The following DAB1 variants were observed in gnomAD, a reference collection of about 807,000 sequenced individuals.
DAB1 encodes DAB adaptor protein 1.
A neutral mutation model predicts 64.6 loss-of-function variants in DAB1; 15 were observed. The observed-to-expected ratio is 0.23, with a 90% CI of 0.16 to 0.36. The LOEUF is 0.36. Among genes scored for constraint, DAB1 ranks in the 10% least tolerant of loss-of-function variants. DAB1 has a pLI of 1.00. For missense variants in DAB1, 596 were observed against 706.7 expected (o/e 0.84, Z 1.78); for synonymous variants, 235 against 251.9 (o/e 0.93, Z 0.64).
chr1:57,155,039 T>C (rs1039510335), intron 2 of DAB1, among the ~76,000 whole-genome samples: 25 of 152,252 alleles, frequency 1.6e-4, no homozygotes, highest in African/African-American at 6.0e-4. Context: ...TGATCCCATT[T>C]GTACATGGAA....
chr1:57,380,433 G>T (rs868535100), intron 1 of DAB1, among the ~76,000 whole-genome samples: 39 of 152,258 alleles, frequency 2.6e-4, no homozygotes, highest in African/African-American at 9.1e-4. Context: ...ATACTACTTT[G>T]TACTTTTTAC....
intron 4 of DAB1, among the ~76,000 whole-genome samples, chr1:58,313,947 A>G (rs1662491608): frequency 6.6e-6 from 1 of 151,908 alleles, no homozygotes; most frequent in Admixed American, 6.6e-5. Flanking sequence ...CACATTGGAG[A>G]TTAGGATTTT....
chr1:57,883,963 A>C (rs1345642637), intron 1 of DAB1: 1 of 152,168 alleles, frequency 6.6e-6, no homozygotes, highest in East Asian at 1.9e-4. Context: ...GGATGATTGG[A>C]ACTGTTTTCA....
At chr1:58,056,030 G>C (rs1342960829) in intron 5 of DAB1, 1 of 809,618 alleles carries the variant, frequency 1.2e-6, no homozygotes, top group East Asian at 2.6e-5. Context: ...GAGCCACCGT[G>C]CCTGGCCTCA....
chr1:58,107,806 G>A (rs377456442), intron 5 of DAB1, among the ~76,000 whole-genome samples: 7 of 151,798 alleles, frequency 4.6e-5, no homozygotes, highest in African/African-American at 9.7e-5. Context: ...TAGTACAGCC[G>A]GGGTTTCTCC....
At chr1:57,718,293 C>A (rs1647109213) in intron 6 of DAB1, among the ~76,000 whole-genome samples, 1 of 151,986 alleles carries the variant, frequency 6.6e-6, no homozygotes, top group Non-Finnish European at 1.5e-5. Flanking sequence ...TATGTGACTA[C>A]TATAAATTAA....
chr1:58,348,895 T>A (rs1373926597), intron 3 of DAB1, among the ~76,000 whole-genome samples: 2 of 152,146 alleles, frequency 1.3e-5, no homozygotes, highest in Non-Finnish European at 2.9e-5. Context: ...CTGACCCTGA[T>A]TTAGATTGTC....
At chr1:58,523,411 C>T (rs1569946566) in intron 2 of DAB1, among the ~76,000 whole-genome samples, 1 of 152,060 alleles carries the variant, frequency 6.6e-6, no homozygotes, top group Admixed American at 6.5e-5. Context: ...AATGTTCTAT[C>T]GGGGTTCTCT....
intron 4 of DAB1, among the ~76,000 whole-genome samples, chr1:58,187,995 G>A (rs1657182676): frequency 6.7e-6 from 1 of 150,056 alleles, no homozygotes; most frequent in Non-Finnish European, 1.5e-5. Context: ...TGCAACCTCT[G>A]CCTCCCATAT....
intron 5 of DAB1, among the ~76,000 whole-genome samples, chr1:58,038,031 A>T (rs1233567340): frequency 6.6e-6 from 1 of 152,210 alleles, no homozygotes; most frequent in Non-Finnish European, 1.5e-5. Flanking sequence ...TTGCTACAGT[A>T]GTTAGCCTAC....
At chr1:57,390,874 A>T (rs1682290722) in intron 1 of DAB1, among the ~76,000 whole-genome samples, 2 of 152,222 alleles carry the variant, frequency 1.3e-5, no homozygotes, top group Non-Finnish European at 1.5e-5. Context: ...CTGCTTTAAG[A>T]AAACCCAAAT....
upstream of DAB1, chr1:57,424,197 C>A (rs1379649062): frequency 3.3e-5 from 5 of 150,234 alleles, no homozygotes; most frequent in African/African-American, 1.2e-4. Flanking sequence ...CGCTCACCTG[C>A]TAGCTCCCCG....
intron 4 of DAB1, among the ~76,000 whole-genome samples, chr1:57,133,849 GA>G (rs892032831): frequency 3.1e-4 from 47 of 150,944 alleles, no homozygotes; most frequent in African/African-American, 1.1e-3. Context: ...CTTTGATATG[GA>G]AAAAAAAACT....
At chr1:58,323,064 G>A (rs1252070780) in intron 4 of DAB1, among the ~76,000 whole-genome samples, 1 of 150,548 alleles carries the variant, frequency 6.6e-6, no homozygotes, top group African/African-American at 2.5e-5. Context: ...CACAGGGCGG[G>A]GAACATCACA....
exon 1 of DAB1, chr1:57,884,066 G>T (rs1644186791): frequency 2.0e-5 from 3 of 152,268 alleles, no homozygotes; most frequent in South Asian, 2.1e-4. Flanking sequence ...CAAAAGGGGG[G>T]TGCCCAGGGT....
intron 5 of DAB1, among the ~76,000 whole-genome samples, chr1:58,128,474 C>A (rs1182474111): frequency 7.6e-6 from 1 of 131,762 alleles, no homozygotes; most frequent in Non-Finnish European, 1.6e-5. Flanking sequence ...ATTGCCCTGG[C>A]CAGAACGTCC....
intron 4 of DAB1, among the ~76,000 whole-genome samples, chr1:58,260,756 C>T (rs959468782): frequency 2.0e-5 from 3 of 152,202 alleles, no homozygotes; most frequent in Admixed American, 6.5e-5. Flanking sequence ...GACTTCCGCT[C>T]ATCTTTCAAA....
At chr1:58,374,155 T>G (rs1644299986) in intron 3 of DAB1, among the ~76,000 whole-genome samples, 1 of 112,658 alleles carries the variant, frequency 8.9e-6, no homozygotes, top group Admixed American at 9.8e-5. Context: ...TGGTAGTTTC[T>G]TTTGCTGTGC....
rs538188470 is a variant in DAB1 at position 57,021,387 on chromosome 1, C to T, written c.895+2144G>A. The stretch of plus-strand genomic sequence containing the variant: ...TGATATGGTTTGGCTGTGTCCCCAC[C>T]CAAATCTCACCTTGAATTGTAATAA... On this transcript the variant is annotated intron_variant, in intron 11 of 14. Coordinates refer to ENST00000371236, the MANE Select transcript of DAB1 (RefSeq NM_001365792.1). 7.9e-5 allele frequency among the ~76,000 whole-genome samples: 12 copies of T among 152,240 alleles called. No individual in the cohort carries two copies. The East Asian group carries it at 2.3e-3, about 29-fold the overall frequency.
Sources: gnomAD v4.1 joint callset for allele counts (sites outside exome capture counted in the v4.1 genomes callset) on GRCh38, gnomAD v4.1.1 for gene constraint, MANE v1.5 for transcripts, NCBI Gene and HGNC (gene_info 2026-07-23, HGNC 2026-07-21) for gene names.